The following PDZRN4 variants were observed in gnomAD, a reference collection of about 807,000 sequenced individuals.
PDZRN4 encodes the protein PDZ domain-containing RING finger protein 4.
PDZRN4 carries 70 observed loss-of-function variants against 99.0 expected under a neutral mutation model. The ratio of observed to expected loss-of-function variants is 0.71; its 90% confidence interval spans 0.58 to 0.86. The LOEUF (loss-of-function observed/expected upper bound fraction) is 0.86. Ranked by LOEUF, PDZRN4 falls within the 40% of genes least tolerant of loss-of-function variation. The pLI is 0.00. For missense variants in PDZRN4, 1,474 were observed against 1,331.2 expected (o/e 1.11, Z -1.67); for synonymous variants, 551 against 501.6 (o/e 1.10, Z -1.32).
At chr12:41,444,217 A>G (rs1453528924) in intron 3 of PDZRN4, among the ~76,000 whole-genome samples, 1 of 152,126 alleles carries the variant, frequency 6.6e-6, no homozygotes, top group African/African-American at 2.4e-5. Flanking sequence ...TGCTGTCAGC[A>G]AAAGCCTTTA....
chr12:41,413,365 G>A lies in PDZRN4; in HGVS notation c.844-93091G>A, dbSNP rs564520035. Among the ~76,000 whole-genome samples, 224 of 152,230 alleles carry A rather than the reference G, an allele frequency of 1.5e-3. 1 individual carries two copies. Among genetic ancestry groups the A allele is most frequent in the African/African-American group, 5.0e-3 (206 of 41,546 alleles). ...AACAGAAGGCACTAGAGGCTGGGAA[G>A]GACAGGGAGAAACAGGGGATAGGGA... On this transcript the variant is annotated intron_variant, in intron 3 of 9. Coordinates refer to ENST00000402685, the MANE Select transcript of PDZRN4 (RefSeq NM_001164595.2).
At chr12:41,229,981 G>C (rs1202459406) in intron 3 of PDZRN4, among the ~76,000 whole-genome samples, 2 of 151,946 alleles carry the variant, frequency 1.3e-5, no homozygotes, top group Non-Finnish European at 2.9e-5. Flanking sequence ...TGTCAGAGCT[G>C]GTTCATGACC....
intron 3 of PDZRN4, among the ~76,000 whole-genome samples, chr12:41,379,541 T>C (rs1952107806): frequency 6.6e-6 from 1 of 151,990 alleles, no homozygotes; most frequent in Admixed American, 6.5e-5. Context: ...CTGCATTCCA[T>C]AAATGTCATT....
intron 3 of PDZRN4, among the ~76,000 whole-genome samples, chr12:41,351,923 T>C (rs948682224): frequency 7.3e-5 from 11 of 151,638 alleles, no homozygotes; most frequent in African/African-American, 2.7e-4. Flanking sequence ...GGTGGGAGGA[T>C]TACTTGAGCT....
intron 3 of PDZRN4, among the ~76,000 whole-genome samples, chr12:41,458,936 G>A (rs186847131): frequency 2.6e-5 from 4 of 152,308 alleles, no homozygotes; most frequent in African/African-American, 7.2e-5. Flanking sequence ...CAACTGGGAA[G>A]AGGATGGACA....
intron 3 of PDZRN4, among the ~76,000 whole-genome samples, chr12:41,303,634 A>G (rs1012349529): frequency 2.6e-5 from 4 of 152,172 alleles, no homozygotes; most frequent in Admixed American, 2.0e-4. Flanking sequence ...CTGATTTGTC[A>G]TCATCTTGCT....
intron 3 of PDZRN4, among the ~76,000 whole-genome samples, chr12:41,200,192 C>A (rs954041078): frequency 6.6e-6 from 1 of 152,066 alleles, no homozygotes; most frequent in African/African-American, 2.4e-5. Context: ...AGCCTCATAG[C>A]TTCAGGAAAG....
chr12:41,328,412 C>T (rs1334045016), intron 3 of PDZRN4, among the ~76,000 whole-genome samples: 1 of 151,962 alleles, frequency 6.6e-6, no homozygotes, highest in Non-Finnish European at 1.5e-5. Flanking sequence ...GCCTGTAATC[C>T]CAACTACATG....
At chr12:41,376,821 T>C (rs187817233) in intron 3 of PDZRN4, among the ~76,000 whole-genome samples, 123 of 152,288 alleles carry the variant, frequency 8.1e-4, no homozygotes, top group African/African-American at 2.9e-3. Context: ...GTCAAGGAGT[T>C]TTTCCCCTGT....
Position 41,500,281 on chromosome 12 carries a change from G to T in PDZRN4, c.844-6175G>T, listed in dbSNP as rs116933341. Among the ~76,000 whole-genome samples, 513 of 151,992 alleles carry T rather than the reference G, an allele frequency of 3.4e-3. 5 individuals are homozygous for T. The highest frequency in any genetic ancestry group is 5.3e-3 in the Non-Finnish European group (359 of 67,972). On this transcript the variant is annotated intron_variant, in intron 3 of 9. Transcript: ENST00000402685. ...CCTGGCAAAGTCCCTGGGGATTTTGGAGCTAAGGGAAGCTGCAACACCCTA... is the reference window on the plus strand; with the variant it reads ...CCTGGCAAAGTCCCTGGGGATTTTGTAGCTAAGGGAAGCTGCAACACCCTA...
At chr12:41,211,306 A>AT (rs1950886981) in intron 3 of PDZRN4, among the ~76,000 whole-genome samples, 1 of 151,994 alleles carries the variant, frequency 6.6e-6, no homozygotes, top group Admixed American at 6.6e-5. Flanking sequence ...CAGTCCTGGG[A>AT]TTGTTCTTAG....
chr12:41,552,247 C>T (rs1939070405), intron 5 of PDZRN4, among the ~76,000 whole-genome samples: 1 of 151,972 alleles, frequency 6.6e-6, no homozygotes, highest in Admixed American at 6.6e-5. Context: ...TGTTTTCTTA[C>T]AATACAAATA....
intron 3 of PDZRN4, among the ~76,000 whole-genome samples, chr12:41,307,575 G>T (rs1225188441): frequency 6.6e-6 from 1 of 151,438 alleles, no homozygotes; most frequent in Non-Finnish European, 1.5e-5. Context: ...AAGATGAGGA[G>T]ATCCTTACAT....
chr12:41,391,359 T>A (rs575876363), intron 3 of PDZRN4, among the ~76,000 whole-genome samples: 23 of 152,304 alleles, frequency 1.5e-4, no homozygotes, highest in Non-Finnish European at 3.1e-4. Flanking sequence ...TTTGATTCCC[T>A]TCCAGGGAGG....
chr12:41,355,191 A>G (rs1951918128), intron 3 of PDZRN4, among the ~76,000 whole-genome samples: 1 of 152,062 alleles, frequency 6.6e-6, no homozygotes, highest in Non-Finnish European at 1.5e-5. Flanking sequence ...ATTGGCTACC[A>G]GAGGGAGTGA....
chr12:41,260,401 A>G (rs1434026060), intron 3 of PDZRN4, among the ~76,000 whole-genome samples: 1 of 152,128 alleles, frequency 6.6e-6, no homozygotes, highest in Non-Finnish European at 1.5e-5. Flanking sequence ...AAGCAGTACA[A>G]TTGAGTGGAA....
intron 3 of PDZRN4, among the ~76,000 whole-genome samples, chr12:41,287,238 C>T (rs983306836): frequency 1.3e-5 from 2 of 152,138 alleles, no homozygotes; most frequent in African/African-American, 2.4e-5. Context: ...TCTGCTACAG[C>T]CATAGTCATG....
At chr12:41,571,725 C>A (rs1173807601) in intron 9 of PDZRN4, among the ~76,000 whole-genome samples, 3 of 152,128 alleles carry the variant, frequency 2.0e-5, no homozygotes, top group Non-Finnish European at 4.4e-5. Context: ...GAAGATGAAG[C>A]TTTGCCTCCA....
intron 3 of PDZRN4, among the ~76,000 whole-genome samples, chr12:41,248,119 G>T (rs539440583): frequency 3.9e-5 from 6 of 152,138 alleles, no homozygotes; most frequent in Non-Finnish European, 7.4e-5. Context: ...TGCCCAGAGG[G>T]TTAGCAACTA....
Sources: allele counts gnomAD v4.1 joint callset (sites outside exome capture counted in the v4.1 genomes callset), GRCh38; gene constraint gnomAD v4.1.1; transcripts MANE v1.5; gene names NCBI Gene and HGNC (gene_info 2026-07-23, HGNC 2026-07-21).